ZNF438: variants seen among roughly 807,000 people sequenced by gnomAD.
ZNF438 encodes zinc finger protein 438.
In ZNF438, 25 loss-of-function variants were observed where a neutral mutation model predicts 38.0. That is an observed-to-expected ratio of 0.66 (90% CI 0.48 to 0.92). The LOEUF (loss-of-function observed/expected upper bound fraction) is 0.92, where lower values mean the gene tolerates loss of function less well. Among genes scored for constraint, ZNF438 ranks in the 40% least tolerant of loss-of-function variants. ZNF438 has a pLI of 0.00. For synonymous variants in ZNF438, 372 were observed against 364.1 expected (o/e 1.02, Z -0.25); for missense variants, 1,007 against 999.6 (o/e 1.01, Z -0.10).
chr10:30,923,572 C>T lies in ZNF438; in HGVS notation c.-114-14557G>A, dbSNP rs146840215. On this transcript the variant is annotated intron_variant, in intron 2 of 5. Coordinates refer to ENST00000413025, the Ensembl canonical transcript of ZNF438. The stretch of plus-strand genomic sequence containing the variant: ...GCACCATATACTGAAAGCTGTTACG[C>T]GCACCCTTTCCCCCAATGATCTTCA... 1.9e-3 allele frequency among the ~76,000 whole-genome samples: 287 copies of T among 152,232 alleles called. 2 individuals carry two copies. The East Asian group carries it at 0.037, about 20-fold the overall frequency.
chr10:30,879,255 AG>A (rs1203387013), intron 3 of ZNF438, among the ~76,000 whole-genome samples: 2 of 152,244 alleles, frequency 1.3e-5, no homozygotes, highest in African/African-American at 4.8e-5. Flanking sequence ...TAGAGTACAC[AG>A]AAGGGTCTTG....
Position 31,025,966 on chromosome 10 carries a change from T to C in ZNF438, c.-192+5867A>G, listed in dbSNP as rs905976081. ...AAAAGTGATTGCAAGAAGTAGAATTTTGACAAAAACAAGAAATGGGGAAAG... is the reference window on the plus strand; with the variant it reads ...AAAAGTGATTGCAAGAAGTAGAATTCTGACAAAAACAAGAAATGGGGAAAG... On this transcript the variant is annotated intron_variant, in intron 1 of 5. Coordinates refer to ENST00000413025, the Ensembl canonical transcript of ZNF438. Among the ~76,000 whole-genome samples the C allele has an allele frequency of 2.4e-4, 37 of 152,020 alleles. 1 individual carries two copies. Among genetic ancestry groups the C allele is most frequent in the African/African-American group, 4.8e-5 (2 of 41,418 alleles).
At chr10:30,896,793 A>G (rs1345995446) in intron 3 of ZNF438, among the ~76,000 whole-genome samples, 1 of 152,182 alleles carries the variant, frequency 6.6e-6, no homozygotes, top group Non-Finnish European at 1.5e-5. Flanking sequence ...AACACTACTG[A>G]AATGTACACT....
chr10:30,945,642 A>G (rs1471590662), intron 1 of ZNF438, among the ~76,000 whole-genome samples: 2 of 141,302 alleles, frequency 1.4e-5, no homozygotes, highest in South Asian at 4.6e-4. Context: ...TATGAGTGAG[A>G]ATATGCGGTG....
At chr10:30,845,239 C>A (rs749188059) in exon 6 of ZNF438, 1 of 1,614,142 alleles carries the variant, frequency 6.2e-7, no homozygotes, top group Non-Finnish European at 8.5e-7. Context: ...AGCATTTCCA[C>A]GCCATTCTGA....
At chr10:30,934,500 G>C (rs2046027466) in intron 2 of ZNF438, among the ~76,000 whole-genome samples, 1 of 152,294 alleles carries the variant, frequency 6.6e-6, no homozygotes, top group South Asian at 2.1e-4. Context: ...ACATATATTT[G>C]AAGCATTTGT....
chr10:30,915,172 G>A (rs542325777), intron 2 of ZNF438, among the ~76,000 whole-genome samples: 66 of 152,072 alleles, frequency 4.3e-4, no homozygotes, highest in African/African-American at 1.5e-3. Flanking sequence ...GAAAGGATAG[G>A]ATCTTGCTTT....
chr10:30,959,464 C>T (rs1195637323), intron 1 of ZNF438, among the ~76,000 whole-genome samples: 1 of 145,440 alleles, frequency 6.9e-6, no homozygotes, highest in East Asian at 1.9e-4. Flanking sequence ...TTTGGCCGGG[C>T]GCGGTGGCTC....
At chr10:30,894,600 C>CA (rs1589057064) in intron 3 of ZNF438, among the ~76,000 whole-genome samples, 2 of 151,928 alleles carry the variant, frequency 1.3e-5, no homozygotes, top group East Asian at 3.9e-4. Context: ...GGAGAACTAT[C>CA]AACATCTGTG....
At chr10:30,868,318 G>A (rs370615831) in intron 4 of ZNF438, among the ~76,000 whole-genome samples, 26 of 152,202 alleles carry the variant, frequency 1.7e-4, no homozygotes, top group South Asian at 8.3e-4. Flanking sequence ...TGATCCGCCC[G>A]CCTCAGCCTC....
intron 4 of ZNF438, among the ~76,000 whole-genome samples, chr10:30,853,995 C>T (rs1413585595): frequency 2.0e-5 from 3 of 151,544 alleles, no homozygotes; most frequent in African/African-American, 7.3e-5. Flanking sequence ...ACTACATCTC[C>T]AATGAATTAA....
At chr10:30,990,595 A>C (rs1239322876) in intron 1 of ZNF438, among the ~76,000 whole-genome samples, 1 of 152,236 alleles carries the variant, frequency 6.6e-6, no homozygotes, top group Non-Finnish European at 1.5e-5. Flanking sequence ...AATTCTATGT[A>C]TAGAACTGCC....
chr10:30,930,240 C>T (rs566799037), intron 2 of ZNF438, among the ~76,000 whole-genome samples: 3 of 152,036 alleles, frequency 2.0e-5, no homozygotes, highest in East Asian at 1.9e-4. Context: ...GGCTGAGACC[C>T]GGCAAGAATT....
intron 4 of ZNF438, among the ~76,000 whole-genome samples, chr10:30,871,255 G>A (rs1046573378): frequency 6.6e-6 from 1 of 151,918 alleles, no homozygotes; most frequent in Non-Finnish European, 1.5e-5. Context: ...TCTCTTCAAA[G>A]GCAATAAATA....
chr10:31,032,010 T>TAGCAGACACCCCGC (rs1432387038), upstream of ZNF438: 1 of 151,888 alleles, frequency 6.6e-6, no homozygotes, highest in Admixed American at 6.6e-5. Flanking sequence ...CACCTCCCCG[T>TAGCAGACACCCCGC]AGCAGACACC....
intron 2 of ZNF438, among the ~76,000 whole-genome samples, chr10:30,940,029 A>T (rs2046650956): frequency 6.6e-6 from 1 of 152,246 alleles, no homozygotes. Context: ...TATCTTGTTA[A>T]CTGCACTAAG....
intron 3 of ZNF438, among the ~76,000 whole-genome samples, chr10:30,901,942 G>A (rs2042044193): frequency 6.6e-6 from 1 of 152,132 alleles, no homozygotes; most frequent in East Asian, 1.9e-4. Flanking sequence ...AGCTCTTAAG[G>A]TGGCGCGTCT....
intron 1 of ZNF438, chr10:30,999,360 G>A (rs564644938): frequency 1.8e-4 from 28 of 152,406 alleles, no homozygotes; most frequent in African/African-American, 6.5e-4. Context: ...TCACCTCTCG[G>A]AGCTCAGCAG....
At chr10:30,925,736 A>C (rs1203781981) in intron 2 of ZNF438, among the ~76,000 whole-genome samples, 2 of 152,222 alleles carry the variant, frequency 1.3e-5, no homozygotes, top group Non-Finnish European at 2.9e-5. Flanking sequence ...GCAGCAGGTA[A>C]GGTATGTTCA....
Sources: gnomAD v4.1 joint callset for allele counts (sites outside exome capture counted in the v4.1 genomes callset) on GRCh38, gnomAD v4.1.1 for gene constraint, MANE v1.5 for transcripts, NCBI Gene and HGNC (gene_info 2026-07-23, HGNC 2026-07-21) for gene names.